Variants in TACC2 observed in about 807,000 individuals in gnomAD.
The protein encoded by TACC2 is transforming acidic coiled-coil-containing protein 2.
A neutral mutation model predicts 227.3 loss-of-function variants in TACC2; 137 were observed. That is an observed-to-expected ratio of 0.60 (90% CI 0.52 to 0.69). TACC2 has a LOEUF of 0.69. Ranked by LOEUF, TACC2 falls within the 30% of genes least tolerant of loss-of-function variation. The probability of loss-of-function intolerance (pLI) is 0.00; values close to 1 mark genes in which losing one functional copy is unlikely to be tolerated. For missense variants in TACC2, 3,470 were observed against 3,694.4 expected (o/e 0.94, Z 1.57); for synonymous variants, 1,523 against 1,487.5 (o/e 1.02, Z -0.55).
intron 8 of TACC2, among the ~76,000 whole-genome samples, chr10:122,201,654 C>G (rs978142320): frequency 5.3e-5 from 8 of 152,256 alleles, no homozygotes; most frequent in African/African-American, 1.4e-4. Flanking sequence ...CACATCCACA[C>G]AGGCACAGTG....
chr10:122,029,351 G>A (rs913872917), intron 2 of TACC2, among the ~76,000 whole-genome samples: 5 of 151,994 alleles, frequency 3.3e-5, no homozygotes, highest in African/African-American at 1.2e-4. Flanking sequence ...ATTTTCAAAT[G>A]TTGAACCAGC....
chr10:121,991,238 G>T (rs896953260), intron 1 of TACC2, among the ~76,000 whole-genome samples: 2 of 152,044 alleles, frequency 1.3e-5, no homozygotes, highest in African/African-American at 4.8e-5. Context: ...CTTAAACATT[G>T]TATATTTTTA....
At chr10:122,020,152 C>A (rs1957157605) in intron 1 of TACC2, among the ~76,000 whole-genome samples, 1 of 152,124 alleles carries the variant, frequency 6.6e-6, no homozygotes, top group Non-Finnish European at 1.5e-5. Context: ...CCTTATGATT[C>A]AACCTGGAAG....
intron 3 of TACC2, among the ~76,000 whole-genome samples, chr10:122,081,299 C>A (rs186058630): frequency 1.2e-3 from 187 of 150,038 alleles, no homozygotes; most frequent in African/African-American, 4.3e-3. Flanking sequence ...GCGGGCAGAT[C>A]ACGAGGTTAG....
chr10:122,069,559 T>A (rs1192231871), intron 3 of TACC2, among the ~76,000 whole-genome samples: 1 of 152,024 alleles, frequency 6.6e-6, no homozygotes, highest in Non-Finnish European at 1.5e-5. Context: ...TTTTCTTCTA[T>A]CTCCAGGATT....
intron 11 of TACC2, 186 bp downstream of exon 11, chr10:122,217,014 G>T (rs1481406474): frequency 3.2e-6 from 4 of 1,262,100 alleles, no homozygotes; most frequent in Non-Finnish European, 4.3e-6. Flanking sequence ...AGACTTGAAA[G>T]CAGCTGTCCC....
chr10:122,057,286 G>A, intron 3 of TACC2, among the ~76,000 whole-genome samples: 1 of 152,156 alleles, frequency 6.6e-6, no homozygotes, highest in East Asian at 1.9e-4. Context: ...TGGTGCACTG[G>A]AGGGGTGGAG....
At chr10:122,176,667 C>G (rs556740620) in intron 7 of TACC2, among the ~76,000 whole-genome samples, 14 of 152,186 alleles carry the variant, frequency 9.2e-5, no homozygotes, top group African/African-American at 3.1e-4. Context: ...CCCTAGAAAG[C>G]CAGAATTTGA....
chr10:122,215,565 T>G, intron 10 of TACC2, 114 bp downstream of exon 10: 1 of 879,488 alleles, frequency 1.1e-6, no homozygotes, highest in Non-Finnish European at 1.9e-6. Context: ...AAGACCCTCT[T>G]CTTGCATTCT....
In TACC2 at chr10:122,050,740, A is replaced by T. The variant is rs1433398062; in HGVS notation, c.146+190A>T. The T allele has an allele frequency of 9.5e-6, 5 of 527,846 alleles. No homozygotes were observed. Among genetic ancestry groups the T allele is most frequent in the Non-Finnish European group, 1.7e-5 (5 of 295,426 alleles). The allele number at this position is 527,846 out of a possible 1,614,324, so 32.7% of individuals were successfully genotyped here. ...TGACTGGCTAGGCCTGCATGATTGA[A>T]AAATTCATCCTGATTGCCTGCCCAA... On this transcript the variant is annotated intron_variant, in intron 3 of 22. Transcript: ENST00000369005. The surrounding 1 kb of genome is among the most constrained non-coding windows in gnomAD (Gnocchi z 4.6).
rs1472997777 is a variant in TACC2, at chr10:122,150,244, G to T, written c.5834+6538G>T. Among the ~76,000 whole-genome samples, 1 of 152,226 alleles carries T rather than the reference G, an allele frequency of 6.6e-6. No individual in the cohort carries two copies. Among genetic ancestry groups the T allele is most frequent in the African/African-American group, 2.4e-5 (1 of 41,466 alleles). On this transcript the variant is annotated intron_variant, in intron 7 of 22. Transcript: ENST00000369005. This position sits in a 1 kb window ranked among gnomAD's most constrained non-coding sequence, Gnocchi z 4.0. ...CTGGGCGGCAGTCCCACGGCCCCTAGAGCAGCTGGGAAGGGGATCCCGCCC... is the reference window on the plus strand; with the variant it reads ...CTGGGCGGCAGTCCCACGGCCCCTATAGCAGCTGGGAAGGGGATCCCGCCC...
chr10:122,221,826 A>G (rs1023604545), intron 11 of TACC2, among the ~76,000 whole-genome samples: 1 of 152,178 alleles, frequency 6.6e-6, no homozygotes, highest in Non-Finnish European at 1.5e-5. Flanking sequence ...AGGCAAGGAG[A>G]TATCAGGCGA....
intron 8 of TACC2, 104 bp downstream of exon 8, chr10:122,195,280 T>A: frequency 9.7e-7 from 1 of 1,034,348 alleles, no homozygotes; most frequent in Non-Finnish European, 1.4e-6. Flanking sequence ...GAGCACTGAC[T>A]CGACCTCTTG....
chr10:122,047,628 C>T (rs1002977848), intron 2 of TACC2, among the ~76,000 whole-genome samples: 3 of 152,216 alleles, frequency 2.0e-5, no homozygotes, highest in African/African-American at 4.8e-5. Context: ...CAGAGATAAT[C>T]GGTTATGTCT....
intron 3 of TACC2, among the ~76,000 whole-genome samples, chr10:122,073,862 C>T (rs1381534501): frequency 1.3e-5 from 2 of 152,102 alleles, no homozygotes; most frequent in African/African-American, 4.8e-5. Flanking sequence ...TTACTGCAAA[C>T]TCCGCCTCCT....
intron 1 of TACC2, among the ~76,000 whole-genome samples, chr10:122,017,677 C>T (rs570635634): frequency 3.3e-5 from 5 of 151,830 alleles, no homozygotes; most frequent in South Asian, 2.1e-4. Context: ...GTTAGTCTGG[C>T]GTGGTGGTGG....
In TACC2 at chr10:122,194,121, A is replaced by C. The variant is rs2094493470; in HGVS notation, c.5835-919A>C. The stretch of plus-strand genomic sequence containing the variant: ...TATCTTTTTATAGAAATAGGGCCTC[A>C]CTGTGTTGCCCAGGCTGGTCTCAAA... On this transcript the variant is annotated intron_variant, in intron 7 of 22. Coordinates refer to ENST00000369005, the MANE Select transcript of TACC2 (RefSeq NM_206862.4). The surrounding 1 kb of genome is among the most constrained non-coding windows in gnomAD (Gnocchi z 4.4). 6.6e-6 allele frequency among the ~76,000 whole-genome samples: 1 copy of C among 152,044 alleles called. No homozygotes were observed. Among genetic ancestry groups the C allele is most frequent in the South Asian group, 2.1e-4 (1 of 4,804 alleles).
At chr10:122,022,116 CAA>C in intron 2 of TACC2, 102 bp downstream of exon 2, 2 of 1,178,216 alleles carry the variant, frequency 1.7e-6, no homozygotes, top group Non-Finnish European at 2.5e-6. Context: ...AAGGAGCAAA[CAA>C]GACAGCTTCT....
intron 1 of TACC2, among the ~76,000 whole-genome samples, chr10:121,998,577 G>A (rs1043300980): frequency 6.6e-6 from 1 of 152,144 alleles, no homozygotes; most frequent in Non-Finnish European, 1.5e-5. Context: ...TTATTAATGA[G>A]GGTGTTTAAA....
Sources: allele counts gnomAD v4.1 joint callset (sites outside exome capture counted in the v4.1 genomes callset), GRCh38; gene constraint gnomAD v4.1.1; non-coding constraint Gnocchi (gnomAD v3.1); transcripts MANE v1.5; gene names NCBI Gene and HGNC (gene_info 2026-07-23, HGNC 2026-07-21).